MYO9A: variants seen among roughly 807,000 people sequenced by gnomAD.
The protein encoded by MYO9A is unconventional myosin-IXa.
MYO9A carries 103 observed loss-of-function variants against 293.3 expected under a neutral mutation model. The ratio of observed to expected loss-of-function variants is 0.35; its 90% CI spans 0.30 to 0.41. The LOEUF is 0.41. MYO9A is among the 10% of genes least tolerant of loss of function. The probability of loss-of-function intolerance (pLI) is 1.00; values close to 1 mark genes in which losing one functional copy is unlikely to be tolerated. For synonymous variants in MYO9A, 1,001 were observed against 1,035.7 expected (o/e 0.97, Z 0.64); for missense variants, 2,685 against 3,033.0 (o/e 0.89, Z 2.69).
At chr15:71,884,955 CTTCCT>C (rs1246359392) in intron 27 of MYO9A, among the ~76,000 whole-genome samples, 1 of 140,026 alleles carries the variant, frequency 7.1e-6, no homozygotes, top group African/African-American at 2.9e-5. Context: ...CTCTTTCTTT[CTTCCT>C]TTTTTTTTTT....
At chr15:72,097,133 T>C (rs944061270) in intron 1 of MYO9A, among the ~76,000 whole-genome samples, 1 of 152,188 alleles carries the variant, frequency 6.6e-6, no homozygotes, top group African/African-American at 2.4e-5. Flanking sequence ...CTGACTCCAA[T>C]TTTGAAAAAA....
rs369809717 is a variant in MYO9A, at chr15:71,994,442, A to C, written c.1587+27T>G. ...TTATTAAAATAGCTTTCAGGGAAAA[A>C]CATATTATAATCCAATATATCATTA... On this transcript the variant is annotated intron_variant, in intron 10 of 41. Coordinates refer to ENST00000356056, the MANE Select transcript of MYO9A (RefSeq NM_006901.4). 7.8e-6 allele frequency: 11 copies of C among 1,401,438 alleles called. No homozygotes were observed. In the African/African-American group the frequency reaches 1.4e-4, roughly 18 times the overall value. The allele number at this position is 1,401,438 out of a possible 1,614,324, so 86.8% of individuals were successfully genotyped here.
At chr15:72,104,564 C>G (rs1188923223) in intron 1 of MYO9A, among the ~76,000 whole-genome samples, 2 of 152,172 alleles carry the variant, frequency 1.3e-5, no homozygotes, top group Non-Finnish European at 2.9e-5. Flanking sequence ...ATGGTAGATG[C>G]TCAAATATTT....
chr15:72,036,664 T>C (rs960574023), intron 2 of MYO9A: 2 of 152,138 alleles, frequency 1.3e-5, no homozygotes, highest in African/African-American at 4.8e-5. Flanking sequence ...TTATCTGGCA[T>C]TTCCCTGGAA....
intron 25 of MYO9A, among the ~76,000 whole-genome samples, chr15:71,896,638 G>A (rs944827992): frequency 6.6e-6 from 1 of 152,012 alleles, no homozygotes; most frequent in African/African-American, 2.4e-5. Context: ...AAATTAGCCA[G>A]GCATGGTGGC....
intron 11 of MYO9A, among the ~76,000 whole-genome samples, chr15:71,982,242 G>A (rs536987118): frequency 3.9e-4 from 59 of 151,840 alleles, no homozygotes; most frequent in African/African-American, 1.1e-3. Flanking sequence ...GGATGGTCTC[G>A]ATATCCTGAC....
intron 1 of MYO9A, among the ~76,000 whole-genome samples, chr15:72,100,646 G>C (rs1256935094): frequency 6.6e-6 from 1 of 151,362 alleles, no homozygotes; most frequent in Non-Finnish European, 1.5e-5. Flanking sequence ...CCTCTGCCCC[G>C]CCACGACCCC....
chr15:71,969,955 A>G (rs1371184858), intron 12 of MYO9A, among the ~76,000 whole-genome samples: 1 of 152,160 alleles, frequency 6.6e-6, no homozygotes, highest in Non-Finnish European at 1.5e-5. Context: ...CTGGATCCCA[A>G]CTATTGCAAT....
intron 4 of MYO9A, among the ~76,000 whole-genome samples, chr15:72,021,819 C>T (rs2077510110): frequency 1.3e-5 from 2 of 151,988 alleles, no homozygotes; most frequent in Admixed American, 6.6e-5. Flanking sequence ...GTGGACATGC[C>T]CAGGGTTGTG....
At chr15:71,893,265 G>A in intron 26 of MYO9A, 1 of 1,037,778 alleles carries the variant, frequency 9.6e-7, no homozygotes, top group Non-Finnish European at 1.2e-6. Context: ...GACATCAGAG[G>A]GCTCATGAAT....
intron 17 of MYO9A, among the ~76,000 whole-genome samples, chr15:71,934,786 C>CTTTTTTTTTTTTTTTTTTTTTTTTTTTTT (rs1167613386): frequency 1.6e-5 from 1 of 61,788 alleles, no homozygotes; most frequent in Non-Finnish European, 2.8e-5. Flanking sequence ...CTTTTCTTTT[C>CTTTTTTTTTTTTTTTTTTTTTTTTTTTTT]TTTTTTTTTT....
chr15:72,112,229 A>T (rs1349103628), intron 1 of MYO9A, among the ~76,000 whole-genome samples: 2 of 151,676 alleles, frequency 1.3e-5, no homozygotes, highest in African/African-American at 2.4e-5. Flanking sequence ...ATAAATAAAT[A>T]AAAAAAACAC....
At chr15:71,930,469 C>A (rs911386283) in intron 18 of MYO9A, among the ~76,000 whole-genome samples, 1 of 152,130 alleles carries the variant, frequency 6.6e-6, no homozygotes, top group African/African-American at 2.4e-5. Flanking sequence ...TTCTTTATCT[C>A]ATCTACAGTT....
chr15:72,024,879 T>G (rs1019738326), intron 4 of MYO9A, among the ~76,000 whole-genome samples: 2 of 152,088 alleles, frequency 1.3e-5, no homozygotes, highest in Non-Finnish European at 2.9e-5. Flanking sequence ...AAAACATTTA[T>G]TTAATGCAAA....
chr15:72,084,392 G>T (rs932354926), intron 1 of MYO9A, among the ~76,000 whole-genome samples: 10 of 152,076 alleles, frequency 6.6e-5, no homozygotes, highest in Non-Finnish European at 1.5e-4. Flanking sequence ...TCACTGCATA[G>T]GAGATGCACT....
intron 8 of MYO9A, among the ~76,000 whole-genome samples, chr15:72,007,047 TGGGGAA>T (rs1477923379): frequency 6.6e-6 from 1 of 152,184 alleles, no homozygotes; most frequent in East Asian, 1.9e-4. Context: ...ATGATCCACG[TGGGGAA>T]TGGATTACAG....
At chr15:71,932,740 A>C (rs1248435286) in intron 18 of MYO9A, among the ~76,000 whole-genome samples, 3 of 152,006 alleles carry the variant, frequency 2.0e-5, no homozygotes, top group Non-Finnish European at 4.4e-5. Flanking sequence ...TGTCACTGCA[A>C]TTCATATTTT....
chr15:71,982,044 G>C (rs1428946487), intron 11 of MYO9A, among the ~76,000 whole-genome samples: 1 of 97,854 alleles, frequency 1.0e-5, no homozygotes, highest in Non-Finnish European at 1.8e-5. Context: ...TTTTGGGACA[G>C]AGTCTCACTC....
chr15:71,952,604 T>C (rs1285764647), intron 14 of MYO9A, among the ~76,000 whole-genome samples: 3 of 152,136 alleles, frequency 2.0e-5, no homozygotes, highest in African/African-American at 4.8e-5. Flanking sequence ...GAATGGGAGA[T>C]GAGTGCCATA....
Sources: allele counts gnomAD v4.1 joint callset (sites outside exome capture counted in the v4.1 genomes callset), GRCh38; gene constraint gnomAD v4.1.1; transcripts MANE v1.5; gene names NCBI Gene and HGNC (gene_info 2026-07-23, HGNC 2026-07-21).